The following TMEM132C variants were observed in gnomAD, a reference collection of about 807,000 sequenced individuals.
TMEM132C encodes protein phosphatase 1, regulatory subunit 152.
In TMEM132C, 29 loss-of-function variants were observed where a neutral mutation model predicts 61.4. That is an observed-to-expected ratio of 0.47 (90% CI 0.35 to 0.64). The LOEUF (loss-of-function observed/expected upper bound fraction) is 0.64. Ranked by LOEUF, TMEM132C falls within the 30% of genes least tolerant of loss-of-function variation. The probability of loss-of-function intolerance (pLI) is 0.00; values close to 1 mark genes in which losing one functional copy is unlikely to be tolerated. For missense variants in TMEM132C, 1,408 were observed against 1,476.9 expected (o/e 0.95, Z 0.76); for synonymous variants, 656 against 633.1 (o/e 1.04, Z -0.54).
At chr12:128,694,142 T>G (rs1954740021) in intron 6 of TMEM132C, 108 bp downstream of exon 6, 11 of 1,282,686 alleles carry the variant, frequency 8.6e-6, no homozygotes, top group Non-Finnish European at 1.2e-5. Context: ...GTCTCAGCAG[T>G]TGAATCTCCC....
Position 128,706,378 on chromosome 12 carries a change from G to A in TMEM132C, c.*83G>A, listed in dbSNP as rs1273940412. ...AGTGGGGCAGAAGGCGTTGTCAGTG[G>A]GGTTAAGAAGGGACGGTCCCAGGGT... On this transcript the variant is annotated 3_prime_UTR_variant, in exon 9 of 9. Transcript: ENST00000435159. 7.0e-7 allele frequency: 1 copy of A among 1,429,416 alleles called. No homozygotes were observed. Among genetic ancestry groups the A allele is most frequent in the East Asian group, 2.5e-5 (1 of 39,962 alleles). 88.5% of individuals were successfully genotyped at this position (1,429,416 alleles called of 1,614,324 possible).
intron 1 of TMEM132C, among the ~76,000 whole-genome samples, chr12:128,316,646 C>T (rs1442208928): frequency 6.6e-6 from 1 of 152,158 alleles, no homozygotes; most frequent in Non-Finnish European, 1.5e-5. Context: ...ATTCATGGAC[C>T]TCTGGTGTCA....
In TMEM132C at chr12:128,369,506, GATTCATGCTTCAGC is replaced by G. The variant is rs371442142; in HGVS notation, c.86-45215_86-45202del. Among the ~76,000 whole-genome samples the G allele has an allele frequency of 4.0e-3, 614 of 152,318 alleles. 5 individuals are homozygous for G. Among genetic ancestry groups the G allele is most frequent in the Non-Finnish European group, 6.6e-3 (452 of 68,026 alleles). On this transcript the variant is annotated intron_variant, in intron 1 of 8. Transcript: ENST00000435159. ...CATATCTTGTTTTGGTGATGCAGAT[GATTCATGCTTCAGC>G]ATTCATGCTTAACTAGGGCTGTTTA...
chr12:128,453,116 T>C (rs1048790893), intron 2 of TMEM132C, among the ~76,000 whole-genome samples: 3 of 152,202 alleles, frequency 2.0e-5, no homozygotes, highest in African/African-American at 7.2e-5. Context: ...GATTCTTTAG[T>C]GACTGCAGTG....
At chr12:128,292,413 A>C (rs531383601) in intron 1 of TMEM132C, among the ~76,000 whole-genome samples, 2 of 152,200 alleles carry the variant, frequency 1.3e-5, no homozygotes, top group Non-Finnish European at 2.9e-5. Context: ...CAGTTGTAAG[A>C]AATGGGTTTG....
At chr12:128,421,048 G>A (rs1868970539) in intron 2 of TMEM132C, among the ~76,000 whole-genome samples, 1 of 152,070 alleles carries the variant, frequency 6.6e-6, no homozygotes, top group African/African-American at 2.4e-5. Context: ...TTTGGTTATA[G>A]GGATGAAGTA....
chr12:128,608,794 A>G (rs1405770195), intron 3 of TMEM132C, among the ~76,000 whole-genome samples: 1 of 152,190 alleles, frequency 6.6e-6, no homozygotes, highest in African/African-American at 2.4e-5. Context: ...CCACGTAATT[A>G]TAATATTCAG....
chr12:128,611,571 C>T (rs1318063499), intron 3 of TMEM132C, among the ~76,000 whole-genome samples: 1 of 152,196 alleles, frequency 6.6e-6, no homozygotes, highest in Non-Finnish European at 1.5e-5. Flanking sequence ...AGAATCACCA[C>T]ATGCATCATT....
At chr12:128,506,317 T>C (rs1280606865) in intron 2 of TMEM132C, among the ~76,000 whole-genome samples, 1 of 152,186 alleles carries the variant, frequency 6.6e-6, no homozygotes. Context: ...AACAAAACCC[T>C]ATGAACCAGA....
intron 2 of TMEM132C, among the ~76,000 whole-genome samples, chr12:128,508,610 G>T (rs1219762254): frequency 1.3e-5 from 2 of 152,182 alleles, no homozygotes; most frequent in Non-Finnish European, 2.9e-5. Context: ...TCTGTGTGGA[G>T]CAAGGCCGTG....
chr12:128,572,840 A>G (rs1874942166), intron 3 of TMEM132C, among the ~76,000 whole-genome samples: 3 of 152,268 alleles, frequency 2.0e-5, no homozygotes, highest in Non-Finnish European at 4.4e-5. Flanking sequence ...TGGTCCCACT[A>G]GAAACATAGG....
chr12:128,652,236 C>T (rs540750884), intron 4 of TMEM132C, among the ~76,000 whole-genome samples: 1 of 152,182 alleles, frequency 6.6e-6, no homozygotes, highest in African/African-American at 2.4e-5. Context: ...TCCTCGTCTG[C>T]ACATCAAAGG....
chr12:128,374,661 G>A (rs1462432179), intron 1 of TMEM132C, among the ~76,000 whole-genome samples: 1 of 152,006 alleles, frequency 6.6e-6, no homozygotes, highest in African/African-American at 2.4e-5. Context: ...TGGCCAGGAG[G>A]GTAAGACACA....
chr12:128,657,160 CCAAA>C (rs1954334159), intron 4 of TMEM132C, among the ~76,000 whole-genome samples: 2 of 152,102 alleles, frequency 1.3e-5, no homozygotes, highest in African/African-American at 2.4e-5. Flanking sequence ...GTGATTTTGG[CCAAA>C]CATTTTGTCA....
chr12:128,276,859 TCAA>T, intron 1 of TMEM132C, among the ~76,000 whole-genome samples: 1 of 150,096 alleles, frequency 6.7e-6, no homozygotes. Flanking sequence ...GCCTCCTGCC[TCAA>T]CACACACATG....
chr12:128,700,487 A>C (rs1418765201), intron 8 of TMEM132C, among the ~76,000 whole-genome samples: 2 of 152,038 alleles, frequency 1.3e-5, no homozygotes, highest in Non-Finnish European at 2.9e-5. Flanking sequence ...TTTTTATGTT[A>C]ACTTCTTTCC....
intron 2 of TMEM132C, among the ~76,000 whole-genome samples, chr12:128,478,511 C>T (rs1295116102): frequency 1.3e-5 from 2 of 152,160 alleles, no homozygotes; most frequent in African/African-American, 2.4e-5. Flanking sequence ...ACTCTTATCC[C>T]GGACTTTCTC....
chr12:128,690,604 T>C (rs560157908), intron 5 of TMEM132C, among the ~76,000 whole-genome samples: 2 of 152,256 alleles, frequency 1.3e-5, no homozygotes, highest in East Asian at 3.9e-4. Flanking sequence ...ACTAAAGAAG[T>C]GATTACTGAT....
At position 128,619,713 on chromosome 12, in the gene TMEM132C, G is replaced by T. The variant is rs372887131; in HGVS notation, c.1305+3378G>T. On this transcript the variant is annotated intron_variant, in intron 4 of 8. Coordinates refer to ENST00000435159, the MANE Select transcript of TMEM132C (RefSeq NM_001136103.3). ...AGGCTTGGGGGATGGGGTGAGAGAG[G>T]TATCTGAATGGGAGGACCAAGGCCA... is the stretch of plus-strand genomic sequence containing the variant. 2.6e-4 allele frequency among the ~76,000 whole-genome samples: 40 copies of T among 152,290 alleles called. No individual in the cohort carries two copies. The East Asian group carries it at 6.8e-3, about 26-fold the overall frequency.
Sources: gnomAD v4.1 joint callset for allele counts (sites outside exome capture counted in the v4.1 genomes callset) on GRCh38, gnomAD v4.1.1 for gene constraint, MANE v1.5 for transcripts, NCBI Gene and HGNC (gene_info 2026-07-23, HGNC 2026-07-21) for gene names.